COL4A2: variants seen among roughly 807,000 people sequenced by gnomAD.
COL4A2 encodes the protein collagen type IV alpha 2 chain.
A neutral mutation model predicts 200.2 loss-of-function variants in COL4A2; 99 were observed. The ratio of observed to expected loss-of-function variants is 0.49; its 90% CI spans 0.42 to 0.58. The LOEUF (loss-of-function observed/expected upper bound fraction) is 0.58, where lower values mean the gene tolerates loss of function less well. Ranked by LOEUF, COL4A2 falls within the 20% of genes least tolerant of loss-of-function variation. The probability of loss-of-function intolerance (pLI) is 0.00; values close to 1 mark genes in which losing one functional copy is unlikely to be tolerated. For synonymous variants in COL4A2, 897 were observed against 900.6 expected (o/e 1.00, Z 0.07); for missense variants, 1,950 against 2,314.1 (o/e 0.84, Z 3.23).
rs912654689 is a variant in COL4A2, at chr13:110,307,437, A to G, written c.-136A>G. ...CCCGGGGCCGGCGCCCAGAGAGCCC[A>G]GCAAGGCCGGCCGCCCTGCCGGTGT... is the stretch of plus-strand genomic sequence containing the variant. On this transcript the variant is annotated 5_prime_UTR_variant, in exon 1 of 48. Transcript: ENST00000360467. This position sits in a 1 kb window ranked among gnomAD's most constrained non-coding sequence, Gnocchi z 5.0. The G allele has an allele frequency of 5.0e-6, 1 of 201,660 alleles. No homozygotes were observed. Among genetic ancestry groups the G allele is most frequent in the Non-Finnish European group, 9.9e-6 (1 of 101,302 alleles). 12.5% of individuals were successfully genotyped at this position (201,660 alleles called of 1,614,324 possible). A position where few individuals can be genotyped will look rare whatever the true frequency, so the allele number is the denominator to read the frequency against.
chr13:110,418,975 AG>A (rs747327237), intron 4 of COL4A2, among the ~76,000 whole-genome samples: 27 of 152,386 alleles, frequency 1.8e-4, no homozygotes, highest in Non-Finnish European at 3.1e-4. Context: ...GAGCCTAAAA[AG>A]TAGTCCTTTC....
chr13:110,453,897 G>A (rs1290712691), intron 20 of COL4A2, among the ~76,000 whole-genome samples: 2 of 152,198 alleles, frequency 1.3e-5, no homozygotes. Flanking sequence ...GTGTGTGGTT[G>A]TAGTTTAGTA....
At chr13:110,474,986 G>A (rs1353485403) in intron 29 of COL4A2, among the ~76,000 whole-genome samples, 2 of 150,032 alleles carry the variant, frequency 1.3e-5, no homozygotes, top group African/African-American at 4.9e-5. Context: ...ACACGTGCCT[G>A]TGCACACTCA....
At position 110,357,551 on chromosome 13, in the gene COL4A2, G is replaced by C. The variant is rs763322641; in HGVS notation, c.179G>C (p.Arg60Pro). The C allele has an allele frequency of 1.3e-6, 2 of 1,578,570 alleles. No individual in the cohort carries two copies. Among genetic ancestry groups the C allele is most frequent in the Non-Finnish European group, 8.6e-7 (1 of 1,159,578 alleles). Residue 60 changes from arginine (R) to proline (P), a missense_variant and splice_region_variant, in exon 4 of 48, where the codon CGT (arginine) becomes CCT (proline). Coordinates refer to ENST00000360467, the MANE Select transcript of COL4A2 (RefSeq NM_001846.4). ...CAGTGCTACCCTGAGAAAGGTGGAC[G>C]TGTAAGTCACAGCATTGCAATAAAT... is the stretch of plus-strand genomic sequence containing the variant. ...GCQCYPEKGG[R>P]GQPGPVGPQG...
chr13:110,396,492 G>A (rs1879187688), intron 4 of COL4A2, among the ~76,000 whole-genome samples: 1 of 152,178 alleles, frequency 6.6e-6, no homozygotes, highest in Non-Finnish European at 1.5e-5. Context: ...CTGAGGCAGG[G>A]GGATTGTTTT....
At chr13:110,354,240 A>G (rs550299408) in intron 3 of COL4A2, among the ~76,000 whole-genome samples, 4 of 152,286 alleles carry the variant, frequency 2.6e-5, no homozygotes, top group South Asian at 4.1e-4. Flanking sequence ...CCAATGAATT[A>G]TTGGGTCAAC....
intron 4 of COL4A2, among the ~76,000 whole-genome samples, chr13:110,364,602 C>G (rs1265101743): frequency 6.6e-6 from 1 of 152,186 alleles, no homozygotes; most frequent in South Asian, 2.1e-4. Context: ...TGCTCTGAAG[C>G]TCCAAGTTTC....
In COL4A2 at chr13:110,481,498, T is replaced by C. The variant is rs374702325; in HGVS notation, c.2759-1018T>C. On this transcript the variant is annotated intron_variant, in intron 31 of 47. Transcript: ENST00000360467. ...TTGCTGGAGACACACAGTTCTGTCC[T>C]TCCATTGCTGGAGACACACTGTTCT... 1.4e-3 allele frequency among the ~76,000 whole-genome samples: 64 copies of C among 44,240 alleles called. 2 individuals are homozygous for C. The highest frequency in any genetic ancestry group is 2.9e-3 in the East Asian group (3 of 1,036). 29.0% of individuals were successfully genotyped at this position (44,240 alleles called of 152,430 possible).
intron 16 of COL4A2, among the ~76,000 whole-genome samples, chr13:110,442,511 C>T (rs1393193621): frequency 2.0e-5 from 3 of 152,192 alleles, no homozygotes; most frequent in Admixed American, 1.3e-4. Context: ...AAAGCCCCTC[C>T]AAGGAGCAAC....
At chr13:110,462,497 G>T in intron 24 of COL4A2, 113 bp downstream of exon 24, 1 of 953,258 alleles carries the variant, frequency 1.0e-6, no homozygotes, top group Non-Finnish European at 1.6e-6. Flanking sequence ...CCTGTGCATA[G>T]GACAGGCTGC....
At chr13:110,436,037 A>G (rs1041324076) in intron 12 of COL4A2, 7 of 658,496 alleles carry the variant, frequency 1.1e-5, no homozygotes, top group African/African-American at 9.0e-5. Context: ...ATTGTAAACA[A>G]CCTACATGGC....
intron 11 of COL4A2, among the ~76,000 whole-genome samples, chr13:110,432,836 G>A (rs1223631493): frequency 2.0e-5 from 3 of 152,190 alleles, no homozygotes; most frequent in Admixed American, 6.5e-5. Flanking sequence ...TTAGGCTAGA[G>A]CCCAAAGCTG....
chr13:110,421,718 G>A (rs544819926), intron 4 of COL4A2, among the ~76,000 whole-genome samples: 45 of 152,238 alleles, frequency 3.0e-4, no homozygotes, highest in Non-Finnish European at 5.4e-4. Flanking sequence ...TTTATGCTAT[G>A]TGAATTTCAC....
chr13:110,338,389 G>A (rs1876297400), intron 3 of COL4A2, among the ~76,000 whole-genome samples: 1 of 145,806 alleles, frequency 6.9e-6, no homozygotes. Flanking sequence ...GAGCCATGTG[G>A]CCAACTATTA....
At chr13:110,472,631 G>C (rs1254205868) in intron 28 of COL4A2, among the ~76,000 whole-genome samples, 7 of 152,100 alleles carry the variant, frequency 4.6e-5, no homozygotes, top group Non-Finnish European at 1.0e-4. Context: ...CAAAGCAGGG[G>C]AACCCATGAA....
rs1037576655 is a variant in COL4A2, at chr13:110,480,289, C to T, written c.2657C>T (p.Ser886Phe). The change falls in exon 31 of 48, where the codon TCT becomes TTT. Residue 886 changes from serine (S) to phenylalanine (F), a missense_variant. By Grantham distance (155) the Ser-to-Phe change is radical. This residue lies in a region of COL4A2 where 1,385 missense variants were observed against 1,720.5 expected (regional missense o/e 0.80). Transcript: ENST00000360467. ...GGCCCTGTGGGCATGAAAGGTCTCT[C>T]TGGTGACAGAGGAGATGCTGGCTTC... ...APGPVGMKGL[S>F]GDRGDAGFTG... 4 of 1,613,832 alleles carry T rather than the reference C, an allele frequency of 2.5e-6. No individual in the cohort carries two copies. The highest frequency in any genetic ancestry group is 1.3e-5 in the African/African-American group (1 of 74,926).
chr13:110,317,307 G>A (rs1161473298), intron 3 of COL4A2, among the ~76,000 whole-genome samples: 1 of 150,918 alleles, frequency 6.6e-6, no homozygotes, highest in Non-Finnish European at 1.5e-5. Context: ...CATACACATA[G>A]ATGCAAATAC....
intron 47 of COL4A2, 65 bp from the exon 48 acceptor site, chr13:110,511,869 G>A: frequency 6.2e-7 from 1 of 1,609,382 alleles, no homozygotes; most frequent in East Asian, 2.2e-5. Flanking sequence ...AGAGGGCTAT[G>A]CCCTGACCCC....
intron 47 of COL4A2, among the ~76,000 whole-genome samples, chr13:110,509,412 CGTT>C (rs1209881748): frequency 6.6e-6 from 1 of 151,950 alleles, no homozygotes; most frequent in Admixed American, 6.6e-5. Context: ...TAATAGGTAT[CGTT>C]GCTATGATAA....
Sources: allele counts gnomAD v4.1 joint callset (sites outside exome capture counted in the v4.1 genomes callset), GRCh38; gene constraint gnomAD v4.1.1; regional missense constraint gnomAD v4.1.1; non-coding constraint Gnocchi (gnomAD v3.1); transcripts MANE v1.5; gene names NCBI Gene and HGNC (gene_info 2026-07-23, HGNC 2026-07-21).